PER2: variants seen among roughly 807,000 people sequenced by gnomAD.
PER2 encodes period circadian protein homolog 2.
A neutral mutation model predicts 121.0 loss-of-function variants in PER2; 66 were observed. That is an observed-to-expected ratio of 0.55 (90% CI 0.45 to 0.67). The LOEUF is 0.67. Ranked by LOEUF, PER2 falls within the 30% of genes least tolerant of loss-of-function variation. The pLI is 0.00. For synonymous variants in PER2, 684 were observed against 659.9 expected (o/e 1.04, Z -0.56); for missense variants, 1,521 against 1,635.0 (o/e 0.93, Z 1.20).
In PER2 at chr2:238,251,743, T is replaced by C. The variant is rs1194652430; in HGVS notation, c.3130A>G (p.Thr1044Ala). ...GTGGAAAGGGCGTCACTGTTCTGTG[T>C]GTCTGAGGGTTCATCACGCTTTAGG... ...APLTRDEPSD[T>A]QNSDALSTSS... The change falls in exon 20 of 23, where the codon ACA (threonine) becomes GCA (alanine). Residue 1044 changes from threonine to alanine, a missense_variant. Thr to Ala is a moderately conservative substitution (Grantham distance 58). Coordinates refer to ENST00000254657, the MANE Select transcript of PER2 (RefSeq NM_022817.3). 1.9e-6 allele frequency: 3 copies of C among 1,613,200 alleles called. No homozygotes were observed. The highest frequency in any genetic ancestry group is 3.3e-5 in the Admixed American group (2 of 59,846).
rs1305264812 is a variant in PER2 at position 238,273,074 on chromosome 2, T to G, written c.566A>C (p.Asn189Thr). The G allele has an allele frequency of 6.2e-7, 1 of 1,614,146 alleles. No individual in the cohort carries two copies. Among genetic ancestry groups the G allele is most frequent in the Non-Finnish European group, 8.5e-7 (1 of 1,179,984 alleles). Residue 189 changes from asparagine to threonine, a missense_variant, in exon 5 of 23, where the codon AAT becomes ACT. By Grantham distance (65) the Asn-to-Thr change is moderately conservative. Transcript: ENST00000254657. ...ACTTTGCGGAAAGAGGCTTACGGCA[T>G]TCTTCACAATGTGCTCAGAGGTAAC... is the stretch of plus-strand genomic sequence containing the variant. ...ESVTSEHIVK[N>T]ADMFAVAVSL... is the part of the protein sequence containing the mutation.
In PER2 at chr2:238,246,743, G is replaced by A. The variant is rs556376155; in HGVS notation, c.3619-219C>T. Among the ~76,000 whole-genome samples, 12 of 152,324 alleles carry A rather than the reference G, an allele frequency of 7.9e-5. No homozygotes were observed. The South Asian group carries it at 2.5e-3, about 32-fold the overall frequency. ...TACAAAAAATTAGCTGGGCGTGGTG[G>A]CAGGCACCTGTAGTCCCAGCTACTT... On this transcript the variant is annotated intron_variant, in intron 22 of 22. Coordinates refer to ENST00000254657, the MANE Select transcript of PER2 (RefSeq NM_022817.3).
rs757550564 is a variant in PER2, at chr2:238,246,443, C to T, written c.3700G>A (p.Glu1234Lys). The T allele has an allele frequency of 8.7e-6, 14 of 1,609,330 alleles. No individual in the cohort carries two copies. Among genetic ancestry groups the T allele is most frequent in the South Asian group, 2.2e-5 (2 of 90,910 alleles). Residue 1234 changes from glutamate to lysine, a missense_variant, in exon 23 of 23, where the codon GAA (glutamate) becomes AAA (lysine). By Grantham distance (56) the Glu-to-Lys change is moderately conservative. Coordinates refer to ENST00000254657, the MANE Select transcript of PER2 (RefSeq NM_022817.3). ...TCGTCTTCTTTGGTGTCCGACACTT[C>T]GCTGAGTCCCAGAGAAGGAATATCT... is the stretch of plus-strand genomic sequence containing the variant. ...EEDIPSLGLS[E>K]VSDTKEDENG... is the part of the protein sequence containing the mutation.
chr2:238,266,139 G>A (rs952390070), intron 8 of PER2, among the ~76,000 whole-genome samples: 19 of 152,190 alleles, frequency 1.2e-4, no homozygotes, highest in Non-Finnish European at 2.4e-4. Flanking sequence ...TCCTGACCTC[G>A]TGATCCGCCC....
At chr2:238,278,094 C>CTCTCTG (rs1696514159) in intron 1 of PER2, 139 bp from the exon 2 acceptor site, 18 of 572,844 alleles carry the variant, frequency 3.1e-5, no homozygotes, top group South Asian at 2.9e-4. Context: ...CTGTCTCTCT[C>CTCTCTG]TCTCTCTCTT....
intron 4 of PER2, among the ~76,000 whole-genome samples, chr2:238,274,911 T>C (rs1559334177): frequency 6.6e-6 from 1 of 152,164 alleles, no homozygotes; most frequent in South Asian, 2.1e-4. Flanking sequence ...AGCTAGCACA[T>C]GGCAGAGCAA....
chr2:238,252,631 C>T lies in PER2; in HGVS notation c.3111+281G>A, dbSNP rs1399598405. 6.6e-6 allele frequency among the ~76,000 whole-genome samples: 1 copy of T among 152,224 alleles called. No homozygotes were observed. The highest frequency in any genetic ancestry group is 1.5e-5 in the Non-Finnish European group (1 of 68,048). On this transcript the variant is annotated intron_variant, in intron 19 of 22. Transcript: ENST00000254657. The surrounding 1 kb of genome is among the most constrained non-coding windows in gnomAD (Gnocchi z 4.2). ...GAAGCGTCATTTAAAAAGTCGAAGC[C>T]CACAAATACTGTCAAGTCACATGCT...
At chr2:238,264,914 A>T (rs892089538) in intron 9 of PER2, among the ~76,000 whole-genome samples, 1 of 152,226 alleles carries the variant, frequency 6.6e-6, no homozygotes, top group Non-Finnish European at 1.5e-5. Context: ...TGCTAGGATT[A>T]TAAGTGTGAG....
At chr2:238,287,601 C>A (rs1467328999) in intron 1 of PER2, among the ~76,000 whole-genome samples, 7 of 152,260 alleles carry the variant, frequency 4.6e-5, no homozygotes, top group African/African-American at 1.7e-4. Context: ...CATCACTGAA[C>A]CTCTGAAGCT....
chr2:238,295,888 C>T, the PER2 span: 6 of 211,752 alleles, frequency 2.8e-5, no homozygotes, highest in Admixed American at 5.8e-5. Flanking sequence ...TCTGGCCCTG[C>T]TGCCACCCAC....
rs185782210 is a variant in PER2 at position 238,245,127 on chromosome 2, T to G, written c.*1248A>C. 1 of 155,290 alleles carries G rather than the reference T, an allele frequency of 6.4e-6. No homozygotes were observed. The highest frequency in any genetic ancestry group is 2.4e-5 in the African/African-American group (1 of 41,500). The allele number at this position is 155,290 out of a possible 1,614,324, so 9.6% of individuals were successfully genotyped here. ...CTTGGTCCAATTTTAAGTCAACTGT[T>G]CTTCAGTGATAACTTTGAATTTCCA... On this transcript the variant is annotated 3_prime_UTR_variant, in exon 23 of 23. Transcript: ENST00000254657.
chr2:238,278,060 C>G (rs1696512093), intron 1 of PER2, 105 bp from the exon 2 acceptor site: 1 of 1,180,770 alleles, frequency 8.5e-7, no homozygotes, highest in Non-Finnish European at 1.2e-6. Flanking sequence ...ACTAATGAAA[C>G]TGCAGTCTCT....
At chr2:238,275,059 AC>A (rs2106322051) in intron 4 of PER2, among the ~76,000 whole-genome samples, 1 of 152,350 alleles carries the variant, frequency 6.6e-6, no homozygotes, top group South Asian at 2.1e-4. Context: ...CTAGTGAAGA[AC>A]TTTGCCCTAA....
chr2:238,256,023 T>C (rs542241119), intron 17 of PER2, 112 bp from the exon 18 acceptor site: 6 of 1,321,254 alleles, frequency 4.5e-6, no homozygotes, highest in Non-Finnish European at 6.4e-6. Flanking sequence ...AATTTCATGA[T>C]GCCTGTGGCA....
upstream of PER2, chr2:238,289,328 G>A (rs547933043): frequency 1.3e-5 from 2 of 152,340 alleles, no homozygotes; most frequent in African/African-American, 4.8e-5. Context: ...GCGGGGCCCC[G>A]GAGCAGCCCA....
chr2:238,259,474 G>A (rs572435529), intron 14 of PER2, among the ~76,000 whole-genome samples: 2 of 152,216 alleles, frequency 1.3e-5, no homozygotes, highest in Admixed American at 6.5e-5. Context: ...GGGGTGGGTC[G>A]GCAGCCCCTG....
At chr2:238,275,184 C>A (rs1168480009) in intron 4 of PER2, among the ~76,000 whole-genome samples, 1 of 152,140 alleles carries the variant, frequency 6.6e-6, no homozygotes, top group African/African-American at 2.4e-5. Context: ...ATCCACCAGC[C>A]CCTTAGTGCA....
Position 238,271,376 on chromosome 2 carries a change from C to A in PER2, c.708G>T (p.Val236=). ...GGGAGGTGAAACTGTGGAACACGCCCACATCGTGAGGCGCCAGGAACTCCA... is the reference window on the plus strand; with the variant it reads ...GGGAGGTGAAACTGTGGAACACGCCAACATCGTGAGGCGCCAGGAACTCCA... ...KFVEFLAPHD[V]GVFHSFTSPY... Residue 236 remains valine (V), a synonymous_variant, in exon 6 of 23, where the codon GTG becomes GTT. Coordinates refer to ENST00000254657, the MANE Select transcript of PER2 (RefSeq NM_022817.3). 1.2e-6 allele frequency: 2 copies of A among 1,614,194 alleles called. No homozygotes were observed. The highest frequency in any genetic ancestry group is 1.7e-6 in the Non-Finnish European group (2 of 1,179,996).
chr2:238,277,566 G>A (rs1696492434), intron 2 of PER2, 141 bp downstream of exon 2: 6 of 999,456 alleles, frequency 6.0e-6, no homozygotes, highest in Non-Finnish European at 8.9e-6. Flanking sequence ...ACAGACACTG[G>A]CACATTTTAG....
Sources: gnomAD v4.1 joint callset for allele counts (sites outside exome capture counted in the v4.1 genomes callset) on GRCh38, gnomAD v4.1.1 for gene constraint, Gnocchi (gnomAD v3.1) non-coding constraint, MANE v1.5 for transcripts, NCBI Gene and HGNC (gene_info 2026-07-23, HGNC 2026-07-21) for gene names.